Variants in DPP6 observed in about 807,000 individuals in gnomAD.
The protein encoded by DPP6 is A-type potassium channel modulatory protein DPP6.
Under a neutral mutation model 122.6 loss-of-function variants are expected in DPP6, and 69 were observed. The observed-to-expected ratio is 0.56, with a 90% CI of 0.46 to 0.69. The LOEUF is 0.69. Ranked by LOEUF, DPP6 falls within the 30% of genes least tolerant of loss-of-function variation. The probability of loss-of-function intolerance (pLI) is 0.00; values close to 1 mark genes in which losing one functional copy is unlikely to be tolerated. For missense variants in DPP6, 928 were observed against 1,116.9 expected, an observed-to-expected ratio of 0.83 and a Z score of 2.41; for synonymous variants, 418 against 433.1, an observed-to-expected ratio of 0.97 and a Z score of 0.43.
At chr7:154,107,415 A>G (rs1031004172) in intron 1 of DPP6, among the ~76,000 whole-genome samples, 2 of 152,082 alleles carry the variant, frequency 1.3e-5, no homozygotes, top group African/African-American at 4.8e-5. Flanking sequence ...TAGCTCAGGG[A>G]TGGTTGGGGG....
intron 6 of DPP6, among the ~76,000 whole-genome samples, chr7:154,668,208 T>TAATATATATATTTTATATATATATA (rs1337082227): frequency 2.0e-5 from 2 of 100,264 alleles, no homozygotes; most frequent in African/African-American, 3.2e-5. Flanking sequence ...TATATATATA[T>TAATATATATATTTTATATATATATA]ATATATATAT....
rs1178776790 is a variant in DPP6 at position 154,446,215 on chromosome 7, A to G, written c.245A>G (p.Glu82Gly). ...QARSDGDEED[E>G]LVGSNPPQRN... ...TTTCTTTGTTGTTGCTGTTTTTAGG[A>G]GCTGGTGGGGAGTAACCCTCCGCAG... Residue 82 changes from glutamate (E) to glycine (G), a missense_variant and splice_region_variant, in exon 2 of 26, where the codon GAG becomes GGG. Physicochemically the swap from Glu to Gly is moderately conservative, Grantham distance 98 (BLOSUM62 -2). Transcript: ENST00000377770. 6.3e-7 allele frequency: 1 copy of G among 1,587,914 alleles called. No homozygotes were observed. Among genetic ancestry groups the G allele is most frequent in the African/African-American group, 1.4e-5 (1 of 73,800 alleles).
chr7:154,409,364 G>A (rs1156880082), intron 1 of DPP6, among the ~76,000 whole-genome samples: 4 of 152,180 alleles, frequency 2.6e-5, no homozygotes, highest in Non-Finnish European at 5.9e-5. Flanking sequence ...AGAGGCCGCA[G>A]ATGAAAAGAG....
At chr7:154,765,448 C>T (rs923957824) in intron 8 of DPP6, among the ~76,000 whole-genome samples, 4 of 152,188 alleles carry the variant, frequency 2.6e-5, no homozygotes, top group African/African-American at 9.7e-5. Context: ...GTCAAACAAC[C>T]TGGAAAATGT....
intron 1 of DPP6, among the ~76,000 whole-genome samples, chr7:153,923,480 G>A (rs1176868385): frequency 6.6e-6 from 1 of 152,116 alleles, no homozygotes; most frequent in Non-Finnish European, 1.5e-5. Flanking sequence ...CCTTCATCTT[G>A]GCCCGGCGTG....
At chr7:154,750,169 T>A (rs1420387196) in intron 8 of DPP6, among the ~76,000 whole-genome samples, 1 of 152,200 alleles carries the variant, frequency 6.6e-6, no homozygotes, top group African/African-American at 2.4e-5. Context: ...GGATGGCCGC[T>A]GACATGGGTC....
In DPP6 at chr7:153,980,760, T is replaced by G. The variant is rs576925147; in HGVS notation, c.51+93026T>G. ...TGGTACATTGTGCCTTTGTTCTCAT[T>G]GGTTTCAAAGAACTTACTTATTTCT... On this transcript the variant is annotated intron_variant, in intron 1 of 25. Transcript: ENST00000404039. Among the ~76,000 whole-genome samples the G allele has an allele frequency of 3.7e-4, 56 of 152,350 alleles. 1 individual carries two copies. Among genetic ancestry groups the G allele is most frequent in the African/African-American group, 1.3e-3 (56 of 41,586 alleles).
chr7:153,990,682 T>C (rs1419201057), intron 1 of DPP6, among the ~76,000 whole-genome samples: 1 of 151,904 alleles, frequency 6.6e-6, no homozygotes, highest in Non-Finnish European at 1.5e-5. Flanking sequence ...GTGGCCTTCA[T>C]GGCAGTGGGA....
chr7:154,080,433 AT>A (rs1197331749), intron 1 of DPP6, among the ~76,000 whole-genome samples: 1 of 152,228 alleles, frequency 6.6e-6, no homozygotes, highest in Non-Finnish European at 1.5e-5. Flanking sequence ...TTATGTAAGA[AT>A]GTTTAACTCA....
chr7:154,415,291 ATATGGTGG>A lies in DPP6; in HGVS notation c.244-30918_244-30911del, dbSNP rs555673881. On this transcript the variant is annotated intron_variant, in intron 1 of 25. Coordinates refer to ENST00000377770, the MANE Select transcript of DPP6 (RefSeq NM_130797.4). ...TCCAGCTCTTAAAAGATTACCTTCC[ATATGGTGG>A]TATGAACAGAGATTCCCTAATGACC... Among the ~76,000 whole-genome samples the A allele has an allele frequency of 9.3e-5, 14 of 151,158 alleles. No individual in the cohort carries two copies. The East Asian group carries it at 2.7e-3, about 29-fold the overall frequency.
intron 1 of DPP6, among the ~76,000 whole-genome samples, chr7:154,249,308 A>C (rs1324532261): frequency 6.6e-6 from 1 of 152,264 alleles, no homozygotes; most frequent in Non-Finnish European, 1.5e-5. Flanking sequence ...TTTAGAAATC[A>C]CATCTAACTT....
chr7:153,914,903 C>T (rs530646559), intron 1 of DPP6, among the ~76,000 whole-genome samples: 5 of 152,334 alleles, frequency 3.3e-5, no homozygotes, highest in Admixed American at 3.3e-4. Flanking sequence ...CCATCTCTCC[C>T]AGTCTCATCC....
the DPP6 span, among the ~76,000 whole-genome samples, chr7:153,872,081 A>T: frequency 6.6e-6 from 1 of 152,182 alleles, no homozygotes; most frequent in Non-Finnish European, 1.5e-5. Context: ...CTTGCCCTTC[A>T]TTCTCTTTGT....
intron 1 of DPP6, among the ~76,000 whole-genome samples, chr7:153,971,225 T>C (rs1398132712): frequency 6.6e-6 from 1 of 152,170 alleles, no homozygotes; most frequent in Non-Finnish European, 1.5e-5. Flanking sequence ...TTTAACTTAC[T>C]ATTTCCAATT....
intron 3 of DPP6, among the ~76,000 whole-genome samples, chr7:154,517,022 A>G (rs1826571867): frequency 6.6e-6 from 1 of 152,180 alleles, no homozygotes; most frequent in Admixed American, 6.5e-5. Flanking sequence ...ATATGAAAGC[A>G]CACCAAAATG....
intron 1 of DPP6, among the ~76,000 whole-genome samples, chr7:154,417,631 ATCT>A (rs1383022200): frequency 1.3e-5 from 2 of 152,064 alleles, no homozygotes; most frequent in African/African-American, 2.4e-5. Context: ...TGGCTCCAAC[ATCT>A]TCACACTCTC....
chr7:154,004,275 T>C (rs1337947540), intron 1 of DPP6, among the ~76,000 whole-genome samples: 26 of 152,292 alleles, frequency 1.7e-4, no homozygotes, highest in South Asian at 4.1e-4. Flanking sequence ...GCACAGCTAC[T>C]GGAGGAGCAG....
At chr7:154,080,111 G>A (rs1221544486) in intron 1 of DPP6, among the ~76,000 whole-genome samples, 1 of 151,758 alleles carries the variant, frequency 6.6e-6, no homozygotes, top group African/African-American at 2.4e-5. Flanking sequence ...TATGAAAAAG[G>A]TCACTTTTCA....
chr7:154,750,429 A>G (rs981433511), intron 8 of DPP6, among the ~76,000 whole-genome samples: 1 of 152,220 alleles, frequency 6.6e-6, no homozygotes, highest in Non-Finnish European at 1.5e-5. Flanking sequence ...GGAGGTTCCC[A>G]GCGGCGGGTA....
Sources: gnomAD v4.1 joint callset for allele counts (sites outside exome capture counted in the v4.1 genomes callset) on GRCh38, gnomAD v4.1.1 for gene constraint, MANE v1.5 for transcripts, NCBI Gene and HGNC (gene_info 2026-07-23, HGNC 2026-07-21) for gene names.